Variants in POLN observed in about 807,000 individuals in gnomAD.
The protein encoded by POLN is DNA polymerase nu.
A neutral mutation model predicts 113.5 loss-of-function variants in POLN; 108 were observed. The observed-to-expected ratio is 0.95, with a 90% CI of 0.81 to 1.12. The LOEUF (loss-of-function observed/expected upper bound fraction) is 1.12. Ranked by LOEUF, POLN falls within the 50% of genes most tolerant of loss-of-function variation. The probability of loss-of-function intolerance (pLI) is 0.00; values close to 1 mark genes in which losing one functional copy is unlikely to be tolerated. For missense variants in POLN, 1,097 were observed against 1,077.1 expected, an observed-to-expected ratio of 1.02 and a Z score of -0.26; for synonymous variants, 386 against 391.5, an observed-to-expected ratio of 0.99 and a Z score of 0.17.
chr4:2,157,812 A>G (rs1312342303), intron 15 of POLN, 46 bp downstream of exon 15: 1 of 1,406,332 alleles, frequency 7.1e-7, no homozygotes, highest in African/African-American at 1.4e-5. Flanking sequence ...GAACTCATAC[A>G]AAAACCACAG....
Position 2,174,589 on chromosome 4 carries a change from T to A in POLN, c.1309+102A>T, listed in dbSNP as rs1298062096. 3 of 975,460 alleles carry A rather than the reference T, an allele frequency of 3.1e-6. No homozygotes were observed. The African/African-American group carries it at 4.9e-5, about 16-fold the overall frequency. The allele number at this position is 975,460 out of a possible 1,614,324, so 60.4% of individuals were successfully genotyped here. On this transcript the variant is annotated intron_variant, in intron 10 of 25. Coordinates refer to ENST00000511885, the MANE Select transcript of POLN (RefSeq NM_181808.4). ...TGCTACCTCTCTGGTGCCCATGAGATATACTATCTACTCCTAAGTAAGGTA... is the reference window on the plus strand; with the variant it reads ...TGCTACCTCTCTGGTGCCCATGAGAAATACTATCTACTCCTAAGTAAGGTA...
chr4:2,230,520 A>C (rs577066119), intron 2 of POLN: 2 of 152,294 alleles, frequency 1.3e-5, no homozygotes, highest in East Asian at 3.9e-4. Flanking sequence ...CAAAATCTTA[A>C]ACAAAATTTA....
At position 2,208,354 on chromosome 4, in the gene POLN, C is replaced by T. The variant is rs767847053; in HGVS notation, c.347G>A (p.Ser116Asn). The change falls in exon 5 of 26, where the codon AGT (serine) becomes AAT (asparagine). Residue 116 changes from serine to asparagine, a missense_variant. Physicochemically the swap from Ser to Asn is conservative, Grantham distance 46. Coordinates refer to ENST00000511885, the MANE Select transcript of POLN (RefSeq NM_181808.4). ...TTGATTATACTGTGGAATTAAACAA[C>T]TTGAAAGAGTCAATGAGCTGATGCT... ...QKSISSLTLS[S>N]CLIPQYNQEA... The T allele has an allele frequency of 5.6e-6, 9 of 1,613,568 alleles. No individual in the cohort carries two copies. The highest frequency in any genetic ancestry group is 7.6e-6 in the Non-Finnish European group (9 of 1,179,892).
At chr4:2,224,742 G>C (rs185026640) in intron 3 of POLN, among the ~76,000 whole-genome samples, 2 of 152,258 alleles carry the variant, frequency 1.3e-5, no homozygotes, top group East Asian at 3.9e-4. Context: ...CCTGAGGTCA[G>C]GAGTTCAAGA....
chr4:2,228,886 G>A, intron 3 of POLN: 1 of 410,016 alleles, frequency 2.4e-6, no homozygotes, highest in South Asian at 5.4e-5. Context: ...AGAAATACCT[G>A]GAATAAGGAA....
chr4:2,148,672 C>CA (rs67970031), intron 16 of POLN, among the ~76,000 whole-genome samples: 4 of 149,432 alleles, frequency 2.7e-5, no homozygotes, highest in African/African-American at 9.9e-5. Flanking sequence ...GTCCCCCCCC[C>CA]AAAAAAAAAA....
At chr4:2,200,797 A>C (rs996091430) in intron 5 of POLN, among the ~76,000 whole-genome samples, 1 of 152,208 alleles carries the variant, frequency 6.6e-6, no homozygotes, top group Admixed American at 6.5e-5. Flanking sequence ...TAATATGACA[A>C]AACAAGGTTC....
intron 17 of POLN, among the ~76,000 whole-genome samples, chr4:2,130,001 C>T (rs1210438348): frequency 6.6e-6 from 1 of 151,786 alleles, no homozygotes; most frequent in African/African-American, 2.4e-5. Context: ...CACCTGTAAT[C>T]CCAGCACTTT....
chr4:2,228,348 CT>C (rs531222767), intron 3 of POLN: 8,041 of 187,816 alleles, frequency 0.043, 4 homozygotes, highest in South Asian at 0.11. Flanking sequence ...ACTGCTTTCA[CT>C]TTTTTTTTTT....
intron 16 of POLN, 122 bp downstream of exon 16, chr4:2,156,666 A>G (rs1732441409): frequency 6.6e-6 from 5 of 760,880 alleles, no homozygotes; most frequent in Non-Finnish European, 1.2e-5. Flanking sequence ...AAAACACAAC[A>G]TATCAGTATG....
chr4:2,225,667 C>T (rs1455681460), intron 3 of POLN, among the ~76,000 whole-genome samples: 1 of 151,148 alleles, frequency 6.6e-6, no homozygotes, highest in East Asian at 1.9e-4. Flanking sequence ...CAAAAAGACG[C>T]CCCAAAAATG....
chr4:2,146,045 C>CAAA (rs34674279), intron 16 of POLN, among the ~76,000 whole-genome samples: 5 of 150,524 alleles, frequency 3.3e-5, no homozygotes, highest in African/African-American at 2.5e-5. Flanking sequence ...TTTAAAATAG[C>CAAA]AAAAAAAAGA....
At chr4:2,078,615 C>T (rs2108688025) in intron 23 of POLN, 1 of 985,406 alleles carries the variant, frequency 1.0e-6, no homozygotes, top group East Asian at 1.1e-4. Flanking sequence ...GATGCCTGGC[C>T]ACACTGAGCC....
chr4:2,139,494 A>G (rs1160271773), intron 16 of POLN, among the ~76,000 whole-genome samples: 2 of 152,238 alleles, frequency 1.3e-5, no homozygotes, highest in Admixed American at 6.5e-5. Context: ...CCTGCTCTGC[A>G]TATGTCCCTG....
intron 19 of POLN, among the ~76,000 whole-genome samples, chr4:2,112,401 A>C (rs1731217686): frequency 6.6e-6 from 1 of 152,210 alleles, no homozygotes; most frequent in Admixed American, 6.5e-5. Flanking sequence ...TAATTAAACT[A>C]AAGAGCTTCT....
At chr4:2,172,908 A>G (rs1371219064) in intron 11 of POLN, among the ~76,000 whole-genome samples, 1 of 152,228 alleles carries the variant, frequency 6.6e-6, no homozygotes, top group East Asian at 1.9e-4. Flanking sequence ...CCACACGCCT[A>G]TCGGCAGTGG....
At chr4:2,118,533 G>A (rs1293965421) in intron 19 of POLN, among the ~76,000 whole-genome samples, 3 of 152,156 alleles carry the variant, frequency 2.0e-5, no homozygotes, top group East Asian at 1.9e-4. Context: ...GCCTAAAGCC[G>A]CAAGCTCATT....
intron 18 of POLN, among the ~76,000 whole-genome samples, chr4:2,128,556 A>C (rs1028918111): frequency 1.8e-4 from 28 of 152,228 alleles, no homozygotes; most frequent in Non-Finnish European, 1.3e-4. Context: ...GAGGGCACCA[A>C]GATGGTCTCT....
intron 23 of POLN, chr4:2,080,167 G>A (rs1730370581): frequency 4.1e-6 from 4 of 986,246 alleles, no homozygotes; most frequent in Admixed American, 6.1e-5. Context: ...AGGGGATCCC[G>A]CACAAGGAGA....
Sources: gnomAD v4.1 joint callset for allele counts (sites outside exome capture counted in the v4.1 genomes callset) on GRCh38, gnomAD v4.1.1 for gene constraint, MANE v1.5 for transcripts, NCBI Gene and HGNC (gene_info 2026-07-23, HGNC 2026-07-21) for gene names.